Variants in GALNT10 observed in about 807,000 individuals in gnomAD.
GALNT10 encodes polypeptide N-acetylgalactosaminyltransferase 10, also known as GalNAc transferase 10.
In GALNT10, 41 loss-of-function variants were observed where a neutral mutation model predicts 75.0. The ratio of observed to expected loss-of-function variants is 0.55; its 90% CI spans 0.43 to 0.71. GALNT10 has a LOEUF of 0.71. GALNT10 is among the 30% of genes least tolerant of loss of function. The pLI is 0.00. For synonymous variants in GALNT10, 302 were observed against 313.0 expected, an observed-to-expected ratio of 0.96 and a Z score of 0.37; for missense variants, 727 against 818.5, an observed-to-expected ratio of 0.89 and a Z score of 1.36.
chr5:154,305,909 T>C (rs1033031940), intron 3 of GALNT10, among the ~76,000 whole-genome samples: 1 of 151,956 alleles, frequency 6.6e-6, no homozygotes, highest in Non-Finnish European at 1.5e-5. Context: ...TCCCAACTAC[T>C]CAGGAAGGTG....
At chr5:154,210,404 A>G (rs1775178622) in intron 1 of GALNT10, among the ~76,000 whole-genome samples, 2 of 152,054 alleles carry the variant, frequency 1.3e-5, no homozygotes, top group South Asian at 4.1e-4. Context: ...ACACACACAC[A>G]CACACACACA....
chr5:154,415,827 C>T lies in GALNT10; in HGVS notation c.1548C>T (p.Pro516=), dbSNP rs200637196. 2.4e-5 allele frequency: 39 copies of T among 1,613,998 alleles called. No homozygotes were observed. Among genetic ancestry groups the T allele is most frequent in the Middle Eastern group, 3.3e-4 (2 of 6,084 alleles). ...TWREDIRPGD[P]QHTKKFCFDA... is the part of the protein sequence containing the mutation. The stretch of plus-strand genomic sequence containing the variant: ...GAGAGGACATCCGGCCTGGAGACCC[C>T]CAGCACACCAAGAAGTTCTGCTTTG... Residue 516 remains proline, a synonymous_variant, in exon 11 of 12, where the codon CCC becomes CCT. Transcript: ENST00000297107.
intron 4 of GALNT10, chr5:154,338,297 A>G (rs1754975039): frequency 1.6e-6 from 1 of 617,894 alleles, no homozygotes; most frequent in African/African-American, 1.8e-5. Flanking sequence ...TCTCCTTACC[A>G]CACAATCTCT....
At chr5:154,221,756 A>G (rs1050841463) in intron 1 of GALNT10, among the ~76,000 whole-genome samples, 2 of 152,154 alleles carry the variant, frequency 1.3e-5, no homozygotes, top group Non-Finnish European at 2.9e-5. Flanking sequence ...TTCAAGCCAC[A>G]TTTACAGCAC....
chr5:154,391,010 C>T (rs778545678), intron 7 of GALNT10, among the ~76,000 whole-genome samples: 11 of 152,196 alleles, frequency 7.2e-5, no homozygotes, highest in Non-Finnish European at 1.0e-4. Flanking sequence ...TCCTGAGGTC[C>T]GGAAGGGAGA....
chr5:154,407,313 C>T (rs1756301711), intron 8 of GALNT10, among the ~76,000 whole-genome samples: 1 of 152,072 alleles, frequency 6.6e-6, no homozygotes, highest in African/African-American at 2.4e-5. Flanking sequence ...ATGTCTCTAA[C>T]AAGGGGAGAT....
At chr5:154,238,551 T>C (rs151079041) in intron 1 of GALNT10, among the ~76,000 whole-genome samples, 8 of 152,252 alleles carry the variant, frequency 5.3e-5, no homozygotes, top group African/African-American at 1.9e-4. Context: ...CCCTGGTCAT[T>C]ATTAGGATTA....
At chr5:154,264,083 C>T (rs534407755) in intron 1 of GALNT10, among the ~76,000 whole-genome samples, 3 of 152,152 alleles carry the variant, frequency 2.0e-5, no homozygotes, top group South Asian at 2.1e-4. Context: ...GAGGCTGAGG[C>T]GGGCAGATCA....
intron 1 of GALNT10, among the ~76,000 whole-genome samples, chr5:154,245,174 G>A (rs1753402440): frequency 6.6e-6 from 1 of 152,190 alleles, no homozygotes. Context: ...GCAAGGGGGT[G>A]GAGATGACAA....
intron 4 of GALNT10, among the ~76,000 whole-genome samples, chr5:154,332,344 A>G (rs1039414046): frequency 6.6e-6 from 1 of 151,878 alleles, no homozygotes; most frequent in Non-Finnish European, 1.5e-5. Flanking sequence ...TCACTTTCTC[A>G]CACTCCCCAA....
chr5:154,361,310 C>G lies in GALNT10; in HGVS notation c.569-14967C>G, dbSNP rs187410411. ...ACCCGGCCTGGATTCAGTCCCTGCT[C>G]TGTCACTTACCAGCAATGATAAGAT... On this transcript the variant is annotated intron_variant, in intron 4 of 11. Transcript: ENST00000297107. Among the ~76,000 whole-genome samples, 662 of 152,244 alleles carry G rather than the reference C, an allele frequency of 4.3e-3. 4 individuals carry two copies. The highest frequency in any genetic ancestry group is 0.015 in the African/African-American group (620 of 41,502).
intron 6 of GALNT10, among the ~76,000 whole-genome samples, chr5:154,381,320 G>T (rs1417653890): frequency 6.6e-6 from 1 of 152,206 alleles, no homozygotes; most frequent in Non-Finnish European, 1.5e-5. Context: ...GGCTCCAGAA[G>T]GAGGAGCTCT....
chr5:154,298,119 T>C lies in GALNT10; in HGVS notation c.401+40T>C. On this transcript the variant is annotated intron_variant, in intron 3 of 11. Transcript: ENST00000297107. The surrounding 1 kb of genome is among the most constrained non-coding windows in gnomAD (Gnocchi z 4.1). ...TCTCAAATTCTGAGATCTAAGGATG[T>C]TTCCCTGGCTGTTGTTGAGAATTAA... 6.3e-7 allele frequency: 1 copy of C among 1,582,858 alleles called. No homozygotes were observed.
chr5:154,290,990 G>A (rs1292841029), intron 1 of GALNT10, among the ~76,000 whole-genome samples: 3 of 152,182 alleles, frequency 2.0e-5, no homozygotes, highest in Admixed American at 1.3e-4. Context: ...TTTAGGGAAG[G>A]TATAAGGACC....
intron 3 of GALNT10, among the ~76,000 whole-genome samples, chr5:154,323,605 G>A (rs551447661): frequency 5.3e-5 from 8 of 152,294 alleles, no homozygotes; most frequent in South Asian, 2.1e-4. Flanking sequence ...TGTATGTAGC[G>A]GGGGCAGGTA....
intron 9 of GALNT10, among the ~76,000 whole-genome samples, chr5:154,410,059 G>C (rs1486587624): frequency 6.6e-6 from 1 of 152,202 alleles, no homozygotes; most frequent in Non-Finnish European, 1.5e-5. Context: ...CTCATGTTCA[G>C]AATGGGTGAA....
At chr5:154,208,728 G>T (rs1477283056) in intron 1 of GALNT10, among the ~76,000 whole-genome samples, 1 of 152,176 alleles carries the variant, frequency 6.6e-6, no homozygotes. Flanking sequence ...AAACCACACA[G>T]TGATTTGAAC....
At chr5:154,334,159 C>T (rs556267116) in intron 4 of GALNT10, among the ~76,000 whole-genome samples, 10 of 152,342 alleles carry the variant, frequency 6.6e-5, no homozygotes, top group African/African-American at 1.7e-4. Context: ...CCTCCAGGAT[C>T]CTCAGGGCAA....
chr5:154,299,946 C>CA lies in GALNT10; in HGVS notation c.401+1868dup, dbSNP rs1349802557. ...GCCTCCTGAGCTCAAGCAATCCTCCCATCTCAGCCTCCCGTGTAGCTGGGA... is the reference window on the plus strand; with the variant it reads ...GCCTCCTGAGCTCAAGCAATCCTCCCAATCTCAGCCTCCCGTGTAGCTGGGA... On this transcript the variant is annotated intron_variant, in intron 3 of 11. Transcript: ENST00000297107. 2.6e-5 allele frequency among the ~76,000 whole-genome samples: 4 copies of CA among 152,002 alleles called. No homozygotes were observed. The East Asian group carries it at 7.8e-4, about 30-fold the overall frequency.
Sources: gnomAD v4.1 joint callset for allele counts (sites outside exome capture counted in the v4.1 genomes callset) on GRCh38, gnomAD v4.1.1 for gene constraint, Gnocchi (gnomAD v3.1) non-coding constraint, MANE v1.5 for transcripts, NCBI Gene and HGNC (gene_info 2026-07-23, HGNC 2026-07-21) for gene names.